LDLRAD3: variants seen among roughly 807,000 people sequenced by gnomAD.
LDLRAD3 encodes the protein low-density lipoprotein receptor class A domain-containing protein 3.
In LDLRAD3, 20 loss-of-function variants were observed where a neutral mutation model predicts 29.4. The observed-to-expected ratio is 0.68, with a 90% CI of 0.48 to 0.99. The LOEUF (loss-of-function observed/expected upper bound fraction) is 0.99. LDLRAD3 is among the 50% of genes least tolerant of loss of function. The probability of loss-of-function intolerance (pLI) is 0.00; values close to 1 mark genes in which losing one functional copy is unlikely to be tolerated. For synonymous variants in LDLRAD3, 157 were observed against 192.7 expected (o/e 0.81, Z 1.53); for missense variants, 420 against 454.3 (o/e 0.92, Z 0.69).
chr11:35,962,350 G>T (rs1184545776), intron 1 of LDLRAD3, among the ~76,000 whole-genome samples: 3 of 151,996 alleles, frequency 2.0e-5, no homozygotes, highest in Non-Finnish European at 4.4e-5. Context: ...GTATATTTTA[G>T]TTTTGCTGCT....
At chr11:35,974,136 A>T (rs116709159) in intron 1 of LDLRAD3, among the ~76,000 whole-genome samples, 2,766 of 152,174 alleles carry the variant, frequency 0.018, 82 homozygotes, top group African/African-American at 0.06. Flanking sequence ...AATCAGATTT[A>T]TTAGTCTTTT....
intron 4 of LDLRAD3, among the ~76,000 whole-genome samples, chr11:36,179,744 G>A (rs372927862): frequency 8.9e-4 from 135 of 152,100 alleles, no homozygotes; most frequent in Non-Finnish European, 1.6e-3. Context: ...TATAATTCCA[G>A]CACTTTGGGA....
chr11:36,194,581 C>T (rs1285535208), intron 4 of LDLRAD3, among the ~76,000 whole-genome samples: 1 of 152,190 alleles, frequency 6.6e-6, no homozygotes, highest in Non-Finnish European at 1.5e-5. Context: ...TGATTAGATA[C>T]AGTCCTATTC....
At chr11:36,222,586 G>C (rs1037518741) in intron 4 of LDLRAD3, among the ~76,000 whole-genome samples, 15 of 152,012 alleles carry the variant, frequency 9.9e-5, no homozygotes, top group Admixed American at 6.6e-5. Flanking sequence ...AATGGTATCC[G>C]GTAGGAAATT....
intron 4 of LDLRAD3, among the ~76,000 whole-genome samples, chr11:36,225,267 C>T (rs1855483557): frequency 6.6e-6 from 1 of 152,242 alleles, no homozygotes; most frequent in Non-Finnish European, 1.5e-5. Context: ...CAAGTTTACT[C>T]ACTTGAGCTG....
At chr11:36,195,301 A>T (rs371078810) in intron 4 of LDLRAD3, among the ~76,000 whole-genome samples, 1 of 115,432 alleles carries the variant, frequency 8.7e-6, no homozygotes, top group South Asian at 2.9e-4. Context: ...AGAAGCATAG[A>T]AGCATCGTAC....
At chr11:36,022,374 G>T (rs926683699) in intron 1 of LDLRAD3, among the ~76,000 whole-genome samples, 1 of 151,856 alleles carries the variant, frequency 6.6e-6, no homozygotes, top group Admixed American at 6.6e-5. Flanking sequence ...GCCACTATTT[G>T]CATGCTGTCA....
At position 36,227,402 on chromosome 11, in the gene LDLRAD3, T is replaced by G. The variant is rs750797339; in HGVS notation, c.772T>G (p.Ser258Ala). ...TGCGTCGGAAGTAGGCTCCCCACCCTCCTACTCCGAGGCCTTGCTGGACCA... is the reference window on the plus strand; with the variant it reads ...TGCGTCGGAAGTAGGCTCCCCACCCGCCTACTCCGAGGCCTTGCTGGACCA... ...QNASEVGSPP[S>A]YSEALLDQRP... is the part of the protein sequence containing the mutation. Residue 258 changes from serine (S) to alanine (A), a missense_variant, in exon 5 of 6, where the codon TCC (serine) becomes GCC (alanine). Physicochemically the swap from Ser to Ala is moderately conservative, Grantham distance 99. Coordinates refer to ENST00000315571, the MANE Select transcript of LDLRAD3 (RefSeq NM_174902.4). 7.5e-6 allele frequency: 12 copies of G among 1,592,782 alleles called. No homozygotes were observed. The Admixed American group carries it at 1.7e-4, about 23-fold the overall frequency.
intron 4 of LDLRAD3, among the ~76,000 whole-genome samples, chr11:36,153,213 C>CT (rs1854301258): frequency 6.6e-6 from 1 of 152,010 alleles, no homozygotes; most frequent in Non-Finnish European, 1.5e-5. Context: ...CATAGGAACT[C>CT]TGAGTTGTAG....
intron 3 of LDLRAD3, among the ~76,000 whole-genome samples, chr11:36,084,328 G>A (rs1249897429): frequency 1.3e-5 from 2 of 152,116 alleles, no homozygotes; most frequent in Non-Finnish European, 2.9e-5. Flanking sequence ...TAAAAATAGT[G>A]GTTCTGAAGC....
intron 1 of LDLRAD3, among the ~76,000 whole-genome samples, chr11:35,995,297 C>G (rs1475254754): frequency 6.6e-6 from 1 of 152,198 alleles, no homozygotes; most frequent in East Asian, 1.9e-4. Context: ...TTGAATGTCT[C>G]CAACAGAGCT....
chr11:36,107,204 CT>C (rs1282766992), intron 4 of LDLRAD3, among the ~76,000 whole-genome samples: 267 of 143,632 alleles, frequency 1.9e-3, no homozygotes, highest in East Asian at 2.7e-3. Context: ...TTTTCTTTTT[CT>C]TTTTTTTTTT....
In LDLRAD3 at chr11:36,207,682, C is replaced by CA. The variant is rs1172915777; in HGVS notation, c.455-19393dup. ...TTGTATCCACAGTGAGATCATGTCTCAAAAAAAAAAGTGAGAAATAAGTCC... is the reference window on the plus strand; with the variant it reads ...TTGTATCCACAGTGAGATCATGTCTCAAAAAAAAAAAGTGAGAAATAAGTCC... On this transcript the variant is annotated intron_variant, in intron 4 of 5. Transcript: ENST00000315571. Among the ~76,000 whole-genome samples the CA allele has an allele frequency of 4.0e-4, 57 of 144,224 alleles. 2 individuals carry two copies. Among genetic ancestry groups the CA allele is most frequent in the Admixed American group, 8.3e-4 (12 of 14,378 alleles). The allele number at this position is 144,224 out of a possible 152,430, so 94.6% of individuals were successfully genotyped here.
At chr11:36,014,585 CTT>C (rs1431733656) in intron 1 of LDLRAD3, among the ~76,000 whole-genome samples, 3 of 152,178 alleles carry the variant, frequency 2.0e-5, no homozygotes, top group Admixed American at 1.3e-4. Context: ...GTGGCAGAAA[CTT>C]TGCTGGCGAG....
At chr11:36,091,481 G>GCCTC (rs932241816) in intron 3 of LDLRAD3, among the ~76,000 whole-genome samples, 1 of 151,734 alleles carries the variant, frequency 6.6e-6, no homozygotes, top group African/African-American at 2.4e-5. Flanking sequence ...CTTCACTCCT[G>GCCTC]CCTCCCTCCC....
intron 4 of LDLRAD3, among the ~76,000 whole-genome samples, chr11:36,126,217 A>G (rs1244530053): frequency 6.6e-6 from 1 of 152,008 alleles, no homozygotes; most frequent in Non-Finnish European, 1.5e-5. Context: ...CGCTGCCTGC[A>G]CTGCCCGCCC....
chr11:36,040,917 A>G (rs181306199), intron 2 of LDLRAD3, among the ~76,000 whole-genome samples: 61 of 152,292 alleles, frequency 4.0e-4, no homozygotes, highest in Non-Finnish European at 7.3e-4. Flanking sequence ...TTATCTAGCT[A>G]GATTGAGTGT....
chr11:36,150,569 C>G (rs1854263904), intron 4 of LDLRAD3, among the ~76,000 whole-genome samples: 2 of 150,972 alleles, frequency 1.3e-5, no homozygotes, highest in South Asian at 4.2e-4. Context: ...CTGGCTAACA[C>G]AGTGAAACCC....
chr11:36,068,879 C>T (rs1852844612), intron 2 of LDLRAD3, among the ~76,000 whole-genome samples: 1 of 152,152 alleles, frequency 6.6e-6, no homozygotes, highest in African/African-American at 2.4e-5. Flanking sequence ...CTGTAGACCT[C>T]CTCTTCTCAG....
Sources: gnomAD v4.1 joint callset for allele counts (sites outside exome capture counted in the v4.1 genomes callset) on GRCh38, gnomAD v4.1.1 for gene constraint, MANE v1.5 for transcripts, NCBI Gene and HGNC (gene_info 2026-07-23, HGNC 2026-07-21) for gene names.